The following RYR2 variants were observed in gnomAD, a reference collection of about 807,000 sequenced individuals.
RYR2 encodes the protein ryanodine receptor 2.
In RYR2, 227 loss-of-function variants were observed where a neutral mutation model predicts 601.1. The observed-to-expected ratio is 0.38, with a 90% CI of 0.34 to 0.42. The LOEUF (loss-of-function observed/expected upper bound fraction) is 0.42, where lower values mean the gene tolerates loss of function less well. Ranked by LOEUF, RYR2 falls within the 10% of genes least tolerant of loss-of-function variation. The pLI is 1.00. For missense variants in RYR2, 4,646 were observed against 6,156.5 expected, an observed-to-expected ratio of 0.75 and a Z score of 8.21; for synonymous variants, 2,223 against 2,175.1, an observed-to-expected ratio of 1.02 and a Z score of -0.61.
rs912594681 is a variant in RYR2 at position 237,548,493 on chromosome 1, C to A, written c.2969C>A (p.Pro990Gln). The change falls in exon 26 of 105, where the codon CCA becomes CAA. Residue 990 changes from proline (P) to glutamine (Q), a missense_variant. Physicochemically the swap from Pro to Gln is moderately conservative, Grantham distance 76. Around this residue, in one of 17 missense-constraint regions of RYR2, gnomAD observed 1,807 missense variants for 2,088.1 expected, o/e 0.87. Transcript: ENST00000366574. ...PMDLSFIKLT[P>Q]SQEAMVDKLA... ...GACCTGAGCTTTATCAAACTCACCCCATCACAAGAAGCAATGGTGGACAAG... is the reference window on the plus strand; with the variant it reads ...GACCTGAGCTTTATCAAACTCACCCAATCACAAGAAGCAATGGTGGACAAG... 1.2e-6 allele frequency: 2 copies of A among 1,613,946 alleles called. No individual in the cohort carries two copies. The highest frequency in any genetic ancestry group is 1.7e-6 in the Non-Finnish European group (2 of 1,179,872).
At chr1:237,335,456 A>T (rs1375234090) in intron 3 of RYR2, among the ~76,000 whole-genome samples, 1 of 152,222 alleles carries the variant, frequency 6.6e-6, no homozygotes, top group Non-Finnish European at 1.5e-5. Flanking sequence ...GTTCTTTTTC[A>T]AATAATATTT....
intron 97 of RYR2, among the ~76,000 whole-genome samples, chr1:237,799,513 T>TGTAA (rs58005010): frequency 6.6e-6 from 1 of 152,088 alleles, no homozygotes; most frequent in East Asian, 1.9e-4. Context: ...AGTAACTGTT[T>TGTAA]GTAAGTAAGT....
At chr1:237,584,658 T>TTTG (rs946666860) in intron 29 of RYR2, among the ~76,000 whole-genome samples, 6 of 137,262 alleles carry the variant, frequency 4.4e-5, no homozygotes, top group African/African-American at 5.4e-5. Context: ...TGTTTTTTTT[T>TTTG]TTTTTTTTTT....
At chr1:237,480,441 A>G (rs149297846) in intron 17 of RYR2, among the ~76,000 whole-genome samples, 2 of 152,146 alleles carry the variant, frequency 1.3e-5, no homozygotes, top group African/African-American at 2.4e-5. Flanking sequence ...CTGGCATTCA[A>G]CATTTTCTTA....
At chr1:237,502,431 T>G (rs1283907379) in intron 21 of RYR2, among the ~76,000 whole-genome samples, 2 of 152,124 alleles carry the variant, frequency 1.3e-5, no homozygotes, top group Non-Finnish European at 2.9e-5. Flanking sequence ...GTCCCCAACC[T>G]TTTTGGCCTT....
At chr1:237,761,073 C>T (rs1426747293) in intron 84 of RYR2, 45 bp downstream of exon 84, 5 of 1,105,374 alleles carry the variant, frequency 4.5e-6, no homozygotes, top group East Asian at 2.6e-5. Context: ...TCCCTTCCCT[C>T]CCTGAAACGA....
At chr1:237,249,864 G>C (rs1424011944) in intron 1 of RYR2, among the ~76,000 whole-genome samples, 2 of 152,138 alleles carry the variant, frequency 1.3e-5, no homozygotes, top group African/African-American at 4.8e-5. Context: ...ACACACAGGT[G>C]CAGCAAGAAT....
intron 19 of RYR2, among the ~76,000 whole-genome samples, chr1:237,494,214 G>A (rs1356605691): frequency 2.6e-5 from 4 of 152,054 alleles, no homozygotes; most frequent in African/African-American, 7.2e-5. Flanking sequence ...GAACAAGGAC[G>A]CCCGTCTGAG....
intron 25 of RYR2, among the ~76,000 whole-genome samples, chr1:237,538,495 G>A (rs1467411848): frequency 1.4e-5 from 2 of 145,112 alleles, no homozygotes; most frequent in Non-Finnish European, 3.0e-5. Flanking sequence ...TTTTTGGCCA[G>A]GCCTGGTGGC....
At chr1:237,369,402 G>A (rs1307848992) in intron 5 of RYR2, 132 bp from the exon 6 acceptor site, 17 of 769,666 alleles carry the variant, frequency 2.2e-5, no homozygotes, top group Non-Finnish European at 3.9e-5. Context: ...CACTTTGCTT[G>A]TCTGCAAGAG....
chr1:237,286,623 C>T (rs1047775975), intron 2 of RYR2, among the ~76,000 whole-genome samples: 1 of 78,004 alleles, frequency 1.3e-5, no homozygotes, highest in Non-Finnish European at 2.8e-5. Flanking sequence ...AGAATAGCTA[C>T]CCGTACTTGT....
At chr1:237,067,006 A>T (rs1008530278) in intron 1 of RYR2, among the ~76,000 whole-genome samples, 1 of 152,176 alleles carries the variant, frequency 6.6e-6, no homozygotes, top group Non-Finnish European at 1.5e-5. Context: ...TTTATAAAAA[A>T]TGCTGAATTT....
chr1:237,421,557 C>G (rs933390544), intron 11 of RYR2, among the ~76,000 whole-genome samples: 1 of 152,034 alleles, frequency 6.6e-6, no homozygotes, highest in South Asian at 2.1e-4. Flanking sequence ...CATCTCAAGT[C>G]AAAAATCCAG....
chr1:237,496,301 AG>A (rs753928153), intron 19 of RYR2, among the ~76,000 whole-genome samples: 3 of 152,194 alleles, frequency 2.0e-5, no homozygotes, highest in Admixed American at 2.0e-4. Context: ...CCAGTTATTC[AG>A]GAGGCTGAGG....
At chr1:237,775,190 G>A (rs1038926872) in intron 87 of RYR2, among the ~76,000 whole-genome samples, 12 of 151,150 alleles carry the variant, frequency 7.9e-5, no homozygotes, top group African/African-American at 2.7e-4. Flanking sequence ...AATAATTTTA[G>A]TATTCAGAAA....
At chr1:237,338,634 G>A (rs994116763) in intron 3 of RYR2, among the ~76,000 whole-genome samples, 2 of 152,166 alleles carry the variant, frequency 1.3e-5, no homozygotes, top group Non-Finnish European at 2.9e-5. Flanking sequence ...TCTCTTCTGT[G>A]TCAGGTAACA....
chr1:237,506,094 A>G (rs1420309408), intron 22 of RYR2, among the ~76,000 whole-genome samples: 1 of 151,648 alleles, frequency 6.6e-6, no homozygotes, highest in Non-Finnish European at 1.5e-5. Flanking sequence ...TTCTCATTTT[A>G]AATTATACAT....
chr1:237,485,381 A>G (rs1662574899), intron 17 of RYR2, among the ~76,000 whole-genome samples: 1 of 152,186 alleles, frequency 6.6e-6, no homozygotes, highest in African/African-American at 2.4e-5. Context: ...CTGGGTGACA[A>G]GGAGGCAAAA....
chr1:237,308,172 C>T (rs1572547957), intron 2 of RYR2, among the ~76,000 whole-genome samples: 1 of 152,190 alleles, frequency 6.6e-6, no homozygotes, highest in African/African-American at 2.4e-5. Flanking sequence ...ATCCTGATAT[C>T]TAGAGAACAA....
Sources: gnomAD v4.1 joint callset for allele counts (sites outside exome capture counted in the v4.1 genomes callset) on GRCh38, gnomAD v4.1.1 for gene constraint, gnomAD v4.1.1 regional missense constraint, MANE v1.5 for transcripts, NCBI Gene and HGNC (gene_info 2026-07-23, HGNC 2026-07-21) for gene names.